Variants in HTATSF1 observed in about 807,000 individuals in gnomAD.
HTATSF1 encodes the protein HIV-1 Tat specific factor 1.
HTATSF1 carries 6 observed loss-of-function variants against 46.1 expected under a neutral mutation model. The observed-to-expected ratio is 0.13, with a 90% CI of 0.07 to 0.26. HTATSF1 has a LOEUF of 0.26. Ranked by LOEUF, HTATSF1 falls within the 10% of genes least tolerant of loss-of-function variation. The probability of loss-of-function intolerance (pLI) is 1.00; values close to 1 mark genes in which losing one functional copy is unlikely to be tolerated. For missense variants in HTATSF1, 452 were observed against 559.9 expected, an observed-to-expected ratio of 0.81 and a Z score of 1.94; for synonymous variants, 226 against 211.5, an observed-to-expected ratio of 1.07 and a Z score of -0.60.
At chrX:136,509,218 T>C (rs1407713565) in intron 7 of HTATSF1, 38 bp downstream of exon 7, 2 of 955,177 alleles carry the variant, frequency 2.1e-6, no homozygotes, top group Non-Finnish European at 3.0e-6. Context: ...CCTAAAGCAA[T>C]AATTCCTCCA....
In HTATSF1 at chrX:136,500,241, A is replaced by G. The variant is rs368121033; in HGVS notation, c.415+36A>G. The G allele has an allele frequency of 6.8e-6, 6 of 875,993 alleles. No homozygotes were observed. In the African/African-American group the frequency reaches 1.2e-4, roughly 18 times the overall value. 72.2% of individuals were successfully genotyped at this position (875,993 alleles called of 1,213,427 possible). A position where few individuals can be genotyped will look rare whatever the true frequency, so the allele number is the denominator to read the frequency against. On this transcript the variant is annotated intron_variant, in intron 3 of 8. Coordinates refer to ENST00000218364, the MANE Select transcript of HTATSF1 (RefSeq NM_014500.5). ...CTTTTTAAACAGGTTTAAGGTAGGAAATACTTAATTTTGAGATTTTTCACG... is the reference window on the plus strand; with the variant it reads ...CTTTTTAAACAGGTTTAAGGTAGGAGATACTTAATTTTGAGATTTTTCACG...
Position 136,511,684 on chromosome X carries a change from G to A in HTATSF1, c.1939G>A (p.Asp647Asn). The part of the protein sequence containing the change: ...VFDDESDEKE[D>N]EEYADEKGLE... Reference sequence around the variant, plus strand: ...TGATGATGAGTCTGATGAGAAAGAGGATGAAGAATATGCAGATGAAAAGGG... The same window carrying A: ...TGATGATGAGTCTGATGAGAAAGAGAATGAAGAATATGCAGATGAAAAGGG... The change falls in exon 9 of 9, where the codon GAT becomes AAT. Residue 647 changes from aspartate (D) to asparagine (N), a missense_variant. By Grantham distance (23) the Asp-to-Asn change is conservative (BLOSUM62 1). Around this residue, in one of 3 missense-constraint regions of HTATSF1, gnomAD observed 246 missense variants for 245.3 expected, o/e 1.00. Transcript: ENST00000218364. 4.1e-6 allele frequency: 5 copies of A among 1,211,078 alleles called. No homozygotes were observed. Among genetic ancestry groups the A allele is most frequent in the East Asian group, 3.0e-5 (1 of 33,856 alleles).
chrX:136,501,290 G>T (rs1353393288), intron 4 of HTATSF1, among the ~76,000 whole-genome samples: 1 of 112,272 alleles, frequency 8.9e-6, no homozygotes, highest in East Asian at 2.8e-4. Flanking sequence ...TCACTGATAG[G>T]GTTGAGTGGT....
intron 1 of HTATSF1, among the ~76,000 whole-genome samples, chrX:136,498,233 T>G (rs749702796): frequency 1.8e-5 from 2 of 112,397 alleles, no homozygotes; most frequent in Non-Finnish European, 1.9e-5. Flanking sequence ...GATGTTTAGC[T>G]TATGTACTAT....
At chrX:136,510,350 A>G in intron 8 of HTATSF1, 131 bp downstream of exon 8, 1 of 418,600 alleles carries the variant, frequency 2.4e-6, no homozygotes, top group Non-Finnish European at 3.7e-6. Flanking sequence ...TTATTTACTT[A>G]TATATTTTAA....
In HTATSF1 at chrX:136,512,308, A is replaced by T. The variant is rs1490578356; in HGVS notation, c.*295A>T. 1.5e-5 allele frequency: 3 copies of T among 203,851 alleles called. No homozygotes were observed. Among genetic ancestry groups the T allele is most frequent in the Non-Finnish European group, 2.7e-5 (3 of 112,209 alleles). 16.8% of individuals were successfully genotyped at this position (203,851 alleles called of 1,213,427 possible). On this transcript the variant is annotated 3_prime_UTR_variant, in exon 9 of 9. Transcript: ENST00000218364. ...GTATTGATTGAAGTTTGTGATATTC[A>T]TCAATAAAAATGAGTTGATAATATG...
rs1603305767 is a variant in HTATSF1, at chrX:136,497,628, A to G, written c.-57A>G. 3 of 1,047,902 alleles carry G rather than the reference A, an allele frequency of 2.9e-6. No individual in the cohort carries two copies. In the East Asian group the frequency reaches 9.6e-5, roughly 34 times the overall value. 86.4% of individuals were successfully genotyped at this position (1,047,902 alleles called of 1,213,427 possible). On this transcript the variant is annotated 5_prime_UTR_variant, in exon 1 of 9. Coordinates refer to ENST00000218364, the MANE Select transcript of HTATSF1 (RefSeq NM_014500.5). The stretch of plus-strand genomic sequence containing the variant: ...GACCTCCCTTTCTCTGCTCAGCTCC[A>G]GCGTCATTTCGGCCTCTTAGTTCTT...
chrX:136,504,128 C>T, intron 5 of HTATSF1, among the ~76,000 whole-genome samples: 1 of 112,024 alleles, frequency 8.9e-6, no homozygotes, highest in African/African-American at 3.2e-5. Flanking sequence ...GCCTCGGCCT[C>T]CCAAAGTGCT....
intron 1 of HTATSF1, among the ~76,000 whole-genome samples, chrX:136,498,252 T>G (rs1175213384): frequency 8.9e-6 from 1 of 112,081 alleles, no homozygotes; most frequent in Non-Finnish European, 1.9e-5. Flanking sequence ...ATGTGCAAAA[T>G]GCAGTTTCTT....
At chrX:136,508,096 G>GT (rs2075750790) in intron 6 of HTATSF1, among the ~76,000 whole-genome samples, 1 of 112,134 alleles carries the variant, frequency 8.9e-6, no homozygotes, top group African/African-American at 3.2e-5. Flanking sequence ...TCAGATTTCA[G>GT]TAACTCCCTG....
chrX:136,503,563 G>A (rs1009417961), intron 5 of HTATSF1, among the ~76,000 whole-genome samples: 33 of 111,550 alleles, frequency 3.0e-4, no homozygotes, highest in Non-Finnish European at 2.6e-4. Flanking sequence ...TACAAGTGTA[G>A]GTAAAATTGA....
upstream of HTATSF1, chrX:136,497,284 T>G (rs1461308191): frequency 1.8e-5 from 2 of 110,949 alleles, no homozygotes; most frequent in Non-Finnish European, 3.8e-5. Context: ...TGAGCAGGGC[T>G]TAGTTTAGAA....
chrX:136,501,610 CAT>C (rs1283240398), intron 4 of HTATSF1, among the ~76,000 whole-genome samples: 2 of 112,088 alleles, frequency 1.8e-5, no homozygotes, highest in Non-Finnish European at 3.8e-5. Flanking sequence ...CAAATGATGA[CAT>C]GTACATAAGT....
intron 6 of HTATSF1, among the ~76,000 whole-genome samples, chrX:136,507,431 C>T (rs1234870934): frequency 9.0e-6 from 1 of 110,986 alleles, no homozygotes; most frequent in African/African-American, 3.3e-5. Flanking sequence ...CATGATAGCA[C>T]GCACCTGTAA....
rs1301509411 is a variant in HTATSF1 at position 136,499,603 on chromosome X, T to C, written c.192T>C (p.Thr64=). Residue 64 remains threonine (T), a synonymous_variant, in exon 2 of 9, where the codon ACT becomes ACC. Coordinates refer to ENST00000218364, the MANE Select transcript of HTATSF1 (RefSeq NM_014500.5). The part of the protein sequence containing the change: ...LDKKAWFPKI[T]EDFIATYQAN... ...CTGTTGAATTGCTTGTGTAGATTAC[T>C]GAAGATTTCATTGCTACATATCAGG... The C allele has an allele frequency of 1.7e-6, 2 of 1,167,301 alleles. No homozygotes were observed. The highest frequency in any genetic ancestry group is 2.3e-6 in the Non-Finnish European group (2 of 877,889).
Position 136,511,608 on chromosome X carries a change from C to T in HTATSF1, c.1863C>T (p.Asp621=), listed in dbSNP as rs987880132. 8.3e-6 allele frequency: 10 copies of T among 1,208,018 alleles called. No individual in the cohort carries two copies. The highest frequency in any genetic ancestry group is 3.0e-5 in the East Asian group (1 of 33,751). ...LDEEGSEREF[D]EDSDEKEEEE... is the part of the protein sequence containing the mutation. ...AGGAAGGCTCTGAGAGAGAGTTTGACGAAGATTCAGATGAAAAGGAAGAAG... is the reference window on the plus strand; with the variant it reads ...AGGAAGGCTCTGAGAGAGAGTTTGATGAAGATTCAGATGAAAAGGAAGAAG... The change falls in exon 9 of 9, where the codon GAC becomes GAT. Residue 621 remains aspartate, a synonymous_variant. Coordinates refer to ENST00000218364, the MANE Select transcript of HTATSF1 (RefSeq NM_014500.5).
intron 8 of HTATSF1, 22 bp from the exon 9 acceptor site, chrX:136,510,786 G>A (rs2075763559): frequency 8.6e-7 from 1 of 1,163,343 alleles, no homozygotes; most frequent in South Asian, 2.0e-5. Flanking sequence ...TTATTTTAAT[G>A]GCAGTCTCCA....
chrX:136,500,050 A>C, intron 2 of HTATSF1, 108 bp from the exon 3 acceptor site: 1 of 562,583 alleles, frequency 1.8e-6, no homozygotes, highest in Non-Finnish European at 3.0e-6. Context: ...AGTAACAGAA[A>C]GGTCGTCCTG....
In HTATSF1 at chrX:136,497,616, C is replaced by G; in HGVS notation, c.-69C>G. The G allele has an allele frequency of 1.0e-6, 1 of 980,077 alleles. No individual in the cohort carries two copies. The allele number at this position is 980,077 out of a possible 1,213,427, so 80.8% of individuals were successfully genotyped here. A position where few individuals can be genotyped will look rare whatever the true frequency, so the allele number is the denominator to read the frequency against. On this transcript the variant is annotated 5_prime_UTR_variant, in exon 1 of 9. Coordinates refer to ENST00000218364, the MANE Select transcript of HTATSF1 (RefSeq NM_014500.5). ...CAGAGCGCGGTTGACCTCCCTTTCT[C>G]TGCTCAGCTCCAGCGTCATTTCGGC...
Sources: gnomAD v4.1 joint callset for allele counts (sites outside exome capture counted in the v4.1 genomes callset) on GRCh38, gnomAD v4.1.1 for gene constraint, gnomAD v4.1.1 regional missense constraint, MANE v1.5 for transcripts, NCBI Gene and HGNC (gene_info 2026-07-23, HGNC 2026-07-21) for gene names.